The following ZSWIM6 variants were observed in gnomAD, a reference collection of about 807,000 sequenced individuals.
ZSWIM6 encodes the protein zinc finger SWIM domain-containing protein 6.
In ZSWIM6, 9 loss-of-function variants were observed where a neutral mutation model predicts 113.2. That is an observed-to-expected ratio of 0.08 (90% CI 0.05 to 0.14). The LOEUF is 0.14. Among genes scored for constraint, ZSWIM6 ranks in the 10% least tolerant of loss-of-function variants. The pLI is 1.00. For missense variants in ZSWIM6, 1,162 were observed against 1,552.2 expected (o/e 0.75, Z 4.22); for synonymous variants, 611 against 606.5 (o/e 1.01, Z -0.11).
intron 1 of ZSWIM6, among the ~76,000 whole-genome samples, chr5:61,340,000 A>C (rs79279905): frequency 1.3e-5 from 2 of 152,200 alleles, no homozygotes; most frequent in East Asian, 3.9e-4. Context: ...TTGTTTGTCA[A>C]TCCTACCCAG....
At chr5:61,333,003 G>T (rs1490626400) in intron 1 of ZSWIM6, 55 bp downstream of exon 1, 4 of 968,080 alleles carry the variant, frequency 4.1e-6, no homozygotes, top group South Asian at 6.3e-5. Flanking sequence ...CCTGGGTGGG[G>T]GGGGGGTGCC....
At chr5:61,421,194 A>G (rs972784070) in intron 1 of ZSWIM6, among the ~76,000 whole-genome samples, 3 of 152,150 alleles carry the variant, frequency 2.0e-5, no homozygotes, top group Admixed American at 6.6e-5. Context: ...TGCTGGGATT[A>G]CAAGCTAGAG....
chr5:61,494,125 C>A, intron 3 of ZSWIM6, 135 bp from the exon 4 acceptor site: 1 of 815,748 alleles, frequency 1.2e-6, no homozygotes, highest in Non-Finnish European at 1.8e-6. Flanking sequence ...TCCTCCACCA[C>A]ACACACACAC....
intron 1 of ZSWIM6, among the ~76,000 whole-genome samples, chr5:61,461,108 A>G (rs1465026468): frequency 6.6e-6 from 1 of 152,152 alleles, no homozygotes; most frequent in East Asian, 1.9e-4. Flanking sequence ...ATTTCCCCCC[A>G]AATGCCAGTG....
intron 1 of ZSWIM6, among the ~76,000 whole-genome samples, chr5:61,377,129 G>A (rs547347810): frequency 3.7e-4 from 57 of 152,198 alleles, no homozygotes; most frequent in African/African-American, 1.4e-3. Context: ...ATGAAGACAG[G>A]AACCTGGAGA....
chr5:61,427,090 G>A (rs1189406523), intron 1 of ZSWIM6, among the ~76,000 whole-genome samples: 1 of 152,032 alleles, frequency 6.6e-6, no homozygotes, highest in Non-Finnish European at 1.5e-5. Flanking sequence ...CCCTAGACTT[G>A]GCATCTATTG....
intron 4 of ZSWIM6, among the ~76,000 whole-genome samples, chr5:61,498,896 G>GAT (rs887599045): frequency 6.6e-6 from 1 of 151,988 alleles, no homozygotes; most frequent in African/African-American, 2.4e-5. Flanking sequence ...AAATTTCTGG[G>GAT]GAATGCTGTC....
chr5:61,410,976 G>C (rs1746139529), intron 1 of ZSWIM6, among the ~76,000 whole-genome samples: 1 of 152,136 alleles, frequency 6.6e-6, no homozygotes. Context: ...GAAGACGTAA[G>C]AATATTCTGG....
In ZSWIM6 at chr5:61,332,587, G is replaced by T. The variant is rs111274143; in HGVS notation, c.315G>T (p.Val105=). 178,335 of 1,344,828 alleles carry T rather than the reference G, an allele frequency of 0.13. 12,401 individuals are homozygous for T. Among genetic ancestry groups the T allele is most frequent in the Non-Finnish European group, 0.14 (142,239 of 1,019,426 alleles). The allele number at this position is 1,344,828 out of a possible 1,614,324, so 83.3% of individuals were successfully genotyped here. Residue 105 remains valine (V), a synonymous_variant, in exon 1 of 14, where the codon GTG becomes GTT. Coordinates refer to ENST00000252744, the MANE Select transcript of ZSWIM6 (RefSeq NM_020928.2). ...EERFERIPEP[V]QRRIVYWSFP... ...GCTTTGAGCGCATCCCGGAGCCGGT[G>T]CAGCGCCGCATAGTCTATTGGTCCT...
chr5:61,483,536 G>T (rs1276043458), intron 2 of ZSWIM6, among the ~76,000 whole-genome samples: 2 of 151,976 alleles, frequency 1.3e-5, no homozygotes, highest in Non-Finnish European at 2.9e-5. Flanking sequence ...TATGTAAATT[G>T]TCCATTAAAG....
At chr5:61,526,472 A>AGATGGCTTTTAGAACTAAAACCATAGAT in intron 7 of ZSWIM6, 76 bp downstream of exon 7, 1 of 1,495,564 alleles carries the variant, frequency 6.7e-7, no homozygotes. Context: ...GTTCTGGGAG[A>AGATGGCTTTTAGAACTAAAACCATAGAT]GATGGCTTTT....
chr5:61,344,211 G>A (rs2112030584), intron 1 of ZSWIM6, among the ~76,000 whole-genome samples: 1 of 152,166 alleles, frequency 6.6e-6, no homozygotes, highest in South Asian at 2.1e-4. Flanking sequence ...TTGTATTCTT[G>A]ATGCCATTTT....
At chr5:61,433,207 C>T (rs1326229917) in intron 1 of ZSWIM6, among the ~76,000 whole-genome samples, 1 of 152,160 alleles carries the variant, frequency 6.6e-6, no homozygotes, top group African/African-American at 2.4e-5. Flanking sequence ...TTCATTCCCC[C>T]TCTAAGCAAG....
At chr5:61,378,562 T>A (rs923519320) in intron 1 of ZSWIM6, among the ~76,000 whole-genome samples, 22 of 151,420 alleles carry the variant, frequency 1.5e-4, no homozygotes, top group African/African-American at 4.6e-4. Context: ...TTCAGATATT[T>A]TTTTTTTTTT....
chr5:61,378,059 GTA>G (rs1745407225), intron 1 of ZSWIM6, among the ~76,000 whole-genome samples: 1 of 152,220 alleles, frequency 6.6e-6, no homozygotes, highest in Admixed American at 6.5e-5. Flanking sequence ...GTGTGGGAAT[GTA>G]AATTAGGACA....
At chr5:61,366,195 C>T (rs1745147450) in intron 1 of ZSWIM6, among the ~76,000 whole-genome samples, 1 of 152,146 alleles carries the variant, frequency 6.6e-6, no homozygotes, top group African/African-American at 2.4e-5. Context: ...CACACCCAGC[C>T]TAAGTGTCAT....
intron 12 of ZSWIM6, among the ~76,000 whole-genome samples, chr5:61,540,130 T>C (rs1159648772): frequency 1.3e-5 from 2 of 152,186 alleles, no homozygotes; most frequent in Non-Finnish European, 2.9e-5. Context: ...AGGGTTAAAT[T>C]TTTAGAGGAA....
rs1162573516 is a variant in ZSWIM6, at chr5:61,537,989, AG to A, written c.2382-824del. ...GGTTTTGCTCTGTTGCCCTGGCTGG[AG>A]TGCGGTGTGGTGTAATCATGGCTCC... On this transcript the variant is annotated intron_variant, in intron 10 of 13. Coordinates refer to ENST00000252744, the MANE Select transcript of ZSWIM6 (RefSeq NM_020928.2). Among the ~76,000 whole-genome samples the A allele has an allele frequency of 2.6e-5, 4 of 152,170 alleles. No individual in the cohort carries two copies. The East Asian group carries it at 7.7e-4, about 29-fold the overall frequency.
chr5:61,344,110 G>A (rs1300610969), intron 1 of ZSWIM6, among the ~76,000 whole-genome samples: 1 of 152,160 alleles, frequency 6.6e-6, no homozygotes, highest in Non-Finnish European at 1.5e-5. Context: ...GGCCAGGCTG[G>A]TCTGGAACTC....
Sources: gnomAD v4.1 joint callset for allele counts (sites outside exome capture counted in the v4.1 genomes callset) on GRCh38, gnomAD v4.1.1 for gene constraint, MANE v1.5 for transcripts, NCBI Gene and HGNC (gene_info 2026-07-23, HGNC 2026-07-21) for gene names.